Variants in PRKCE observed in about 807,000 individuals in gnomAD.
PRKCE encodes the protein protein kinase C epsilon type.
Under a neutral mutation model 85.4 loss-of-function variants are expected in PRKCE, and 16 were observed. The observed-to-expected ratio is 0.19, with a 90% CI of 0.13 to 0.28. The LOEUF (loss-of-function observed/expected upper bound fraction) is 0.28, where lower values mean the gene tolerates loss of function less well. Among genes scored for constraint, PRKCE ranks in the 10% least tolerant of loss-of-function variants. PRKCE has a pLI of 1.00. For synonymous variants in PRKCE, 388 were observed against 371.5 expected, an observed-to-expected ratio of 1.04 and a Z score of -0.51; for missense variants, 573 against 975.2, an observed-to-expected ratio of 0.59 and a Z score of 5.49.
chr2:45,951,946 C>T (rs1700651188), intron 2 of PRKCE, among the ~76,000 whole-genome samples: 1 of 152,240 alleles, frequency 6.6e-6, no homozygotes, highest in African/African-American at 2.4e-5. Flanking sequence ...TATTCTCATG[C>T]CTCAGCCTCC....
chr2:45,692,384 C>T (rs553273595), intron 1 of PRKCE, among the ~76,000 whole-genome samples: 6 of 152,220 alleles, frequency 3.9e-5, no homozygotes, highest in East Asian at 3.9e-4. Context: ...GTGTTAGCAC[C>T]GCTCTGCTCC....
intron 1 of PRKCE, among the ~76,000 whole-genome samples, chr2:45,822,222 T>G (rs1689590865): frequency 6.6e-6 from 1 of 152,256 alleles, no homozygotes; most frequent in South Asian, 2.1e-4. Context: ...TAAATGTTCC[T>G]GTCACCTCCA....
intron 2 of PRKCE, among the ~76,000 whole-genome samples, chr2:45,914,716 G>A (rs1009991649): frequency 1.3e-5 from 2 of 152,140 alleles, no homozygotes; most frequent in Admixed American, 6.5e-5. Flanking sequence ...AGTCCATAAA[G>A]TCTTTCATTG....
intron 14 of PRKCE, among the ~76,000 whole-genome samples, chr2:46,179,578 G>C (rs930477634): frequency 2.6e-5 from 4 of 152,114 alleles, no homozygotes. Context: ...TCGGAATGTT[G>C]TTTTCCTCTA....
In PRKCE at chr2:45,751,911, G is replaced by T. The variant is rs918265292; in HGVS notation, c.349-91089G>T. Among the ~76,000 whole-genome samples, 42 of 140,508 alleles carry T rather than the reference G, an allele frequency of 3.0e-4. 1 individual carries two copies. Among genetic ancestry groups the T allele is most frequent in the African/African-American group, 1.1e-3 (39 of 36,486 alleles). The allele number at this position is 140,508 out of a possible 152,430, so 92.2% of individuals were successfully genotyped here. ...CGGCTCACTGCAAGCTCCGCCTCCC[G>T]GGTTCACGCCATTCTCCTGCCTCAG... On this transcript the variant is annotated intron_variant, in intron 1 of 14. Transcript: ENST00000306156.
At chr2:45,841,387 G>A (rs1354908727) in intron 1 of PRKCE, among the ~76,000 whole-genome samples, 4 of 152,224 alleles carry the variant, frequency 2.6e-5, no homozygotes, top group African/African-American at 9.7e-5. Context: ...AACCACTGGT[G>A]TAAGTCCAAG....
At position 46,145,330 on chromosome 2, in the gene PRKCE, G is replaced by A. The variant is rs2104489162; in HGVS notation, c.1731+99G>A. 1 of 1,473,492 alleles carries A rather than the reference G, an allele frequency of 6.8e-7. No individual in the cohort carries two copies. Among genetic ancestry groups the A allele is most frequent in the East Asian group, 2.3e-5 (1 of 43,768 alleles). 91.3% of individuals were successfully genotyped at this position (1,473,492 alleles called of 1,614,324 possible). A position where few individuals can be genotyped will look rare whatever the true frequency, so the allele number is the denominator to read the frequency against. ...GGTCATCTAGTGGTGCTGGGGGAAGGCTCTGGAAATCCAGGATGGATTCTA... is the reference window on the plus strand; with the variant it reads ...GGTCATCTAGTGGTGCTGGGGGAAGACTCTGGAAATCCAGGATGGATTCTA... On this transcript the variant is annotated intron_variant, in intron 12 of 14. Transcript: ENST00000306156. This position sits in a 1 kb window ranked among gnomAD's most constrained non-coding sequence, Gnocchi z 4.6.
intron 1 of PRKCE, among the ~76,000 whole-genome samples, chr2:45,703,534 T>C (rs1286174061): frequency 1.4e-5 from 2 of 138,994 alleles, no homozygotes; most frequent in African/African-American, 5.0e-5. Flanking sequence ...TGAGACCTTG[T>C]CTCTAAAAAA....
At chr2:45,874,647 T>C (rs73928843) in intron 2 of PRKCE, among the ~76,000 whole-genome samples, 3,476 of 152,308 alleles carry the variant, frequency 0.023, 116 homozygotes, top group African/African-American at 0.078. Flanking sequence ...ACCACCTGTT[T>C]TATTTCACAA....
At position 45,990,658 on chromosome 2, in the gene PRKCE, CT is replaced by C. The variant is rs796096867; in HGVS notation, c.823+5992del. Among the ~76,000 whole-genome samples the C allele has an allele frequency of 3.7e-3, 534 of 144,058 alleles. 2 individuals are homozygous for C. Among genetic ancestry groups the C allele is most frequent in the Admixed American group, 1.0e-2 (144 of 14,430 alleles). The allele number at this position is 144,058 out of a possible 152,430, so 94.5% of individuals were successfully genotyped here. A position where few individuals can be genotyped will look rare whatever the true frequency, so the allele number is the denominator to read the frequency against. ...ATCTTCTAATATTCTAAATTACTTT[CT>C]TTTTTTTTTTTTTGAGATGGAGTCT... is the stretch of plus-strand genomic sequence containing the variant. On this transcript the variant is annotated intron_variant, in intron 6 of 14. Transcript: ENST00000306156.
intron 11 of PRKCE, among the ~76,000 whole-genome samples, chr2:46,128,742 C>T (rs1024943719): frequency 6.6e-6 from 1 of 152,124 alleles, no homozygotes; most frequent in Admixed American, 6.5e-5. Flanking sequence ...GGTTGATAAG[C>T]CAATGAAGTG....
chr2:45,908,691 C>A (rs1409947439), intron 2 of PRKCE, among the ~76,000 whole-genome samples: 2 of 152,178 alleles, frequency 1.3e-5, no homozygotes, highest in Admixed American at 6.5e-5. Flanking sequence ...GTTCTTCTCA[C>A]ACTCAGGTTT....
intron 1 of PRKCE, among the ~76,000 whole-genome samples, chr2:45,725,357 G>T (rs544817691): frequency 1.5e-4 from 23 of 152,326 alleles, no homozygotes; most frequent in African/African-American, 4.6e-4. Flanking sequence ...TGTACAAGGA[G>T]ATTAATGTTG....
At chr2:45,677,902 G>A (rs773624294) in intron 1 of PRKCE, 24 of 985,286 alleles carry the variant, frequency 2.4e-5, no homozygotes, top group Admixed American at 6.1e-5. Flanking sequence ...AGTTCTGAAG[G>A]GGTAGTGGGA....
chr2:45,981,970 A>T (rs1428111638), intron 5 of PRKCE, among the ~76,000 whole-genome samples: 1 of 152,214 alleles, frequency 6.6e-6, no homozygotes, highest in Non-Finnish European at 1.5e-5. Flanking sequence ...ACCCAGCTTG[A>T]TCTGTGACCC....
Position 46,184,804 on chromosome 2 carries a change from G to A in PRKCE, c.2137G>A (p.Asp713Asn). ...TREEPVLTLV[D>N]EAIVKQINQE... ...GGAAGAGCCGGTACTCACCCTTGTG[G>A]ACGAAGCAATTGTAAAGCAGATCAA... The change falls in exon 15 of 15, where the codon GAC (aspartate) becomes AAC (asparagine). Residue 713 changes from aspartate to asparagine, a missense_variant. This residue lies in a region of PRKCE where 45 missense variants were observed against 39.1 expected (regional missense o/e 1.15). Transcript: ENST00000306156. This position sits in a 1 kb window ranked among gnomAD's most constrained non-coding sequence, Gnocchi z 5.0. The A allele has an allele frequency of 6.3e-7, 1 of 1,599,762 alleles. No individual in the cohort carries two copies.
chr2:45,788,898 G>A (rs1013429093), intron 1 of PRKCE, among the ~76,000 whole-genome samples: 4 of 152,080 alleles, frequency 2.6e-5, no homozygotes, highest in African/African-American at 9.7e-5. Context: ...TTACACCATT[G>A]GTCCTCAACT....
intron 11 of PRKCE, among the ~76,000 whole-genome samples, chr2:46,098,908 A>G (rs1670950157): frequency 6.6e-6 from 1 of 152,030 alleles, no homozygotes; most frequent in South Asian, 2.1e-4. Flanking sequence ...GTTTGTTTCA[A>G]GATGACTCAG....
chr2:45,723,749 C>T (rs1184125872), intron 1 of PRKCE, among the ~76,000 whole-genome samples: 2 of 152,040 alleles, frequency 1.3e-5, no homozygotes, highest in Admixed American at 6.6e-5. Context: ...GGATTATGGG[C>T]GCCCACCACC....
Sources: allele counts gnomAD v4.1 joint callset (sites outside exome capture counted in the v4.1 genomes callset), GRCh38; gene constraint gnomAD v4.1.1; regional missense constraint gnomAD v4.1.1; non-coding constraint Gnocchi (gnomAD v3.1); transcripts MANE v1.5; gene names NCBI Gene and HGNC (gene_info 2026-07-23, HGNC 2026-07-21).